Variants in HR observed in about 807,000 individuals in gnomAD.
The protein encoded by HR is lysine-specific demethylase hairless.
A neutral mutation model predicts 128.6 loss-of-function variants in HR; 83 were observed. The ratio of observed to expected loss-of-function variants is 0.65; its 90% CI spans 0.54 to 0.77. HR has a LOEUF of 0.77. HR is among the 30% of genes least tolerant of loss of function. The probability of loss-of-function intolerance (pLI) is 0.00; values close to 1 mark genes in which losing one functional copy is unlikely to be tolerated. For synonymous variants in HR, 681 were observed against 658.2 expected (o/e 1.03, Z -0.53); for missense variants, 1,490 against 1,574.6 (o/e 0.95, Z 0.91).
In HR at chr8:22,127,290, G is replaced by A; in HGVS notation, c.1152C>T (p.Leu384=). Residue 384 remains leucine (L), a synonymous_variant, in exon 3 of 19, where the codon CTC becomes CTT. Coordinates refer to ENST00000381418, the MANE Select transcript of HR (RefSeq NM_005144.5). The stretch of plus-strand genomic sequence containing the variant: ...ATTCAAACTGCTCCGAGTGCCGTGT[G>A]AGCCATGTCTTCTTCAGCTTGGTGT... ...SHHTKLKKTW[L]TRHSEQFECP... is the part of the protein sequence containing the mutation. The A allele has an allele frequency of 2.5e-6, 4 of 1,613,350 alleles. No individual in the cohort carries two copies. Among genetic ancestry groups the A allele is most frequent in the East Asian group, 2.2e-5 (1 of 44,868 alleles).
Position 22,119,773 on chromosome 8 carries a change from G to C in HR, c.2964C>G (p.Leu988=). 1 of 1,612,096 alleles carries C rather than the reference G, an allele frequency of 6.2e-7. No homozygotes were observed. The highest frequency in any genetic ancestry group is 8.5e-7 in the Non-Finnish European group (1 of 1,179,094). The change falls in exon 14 of 19, where the codon CTC becomes CTG. Residue 988 remains leucine (L), a synonymous_variant. Coordinates refer to ENST00000381418, the MANE Select transcript of HR (RefSeq NM_005144.5). ...GLALRPLEPQ[L]WAAYGVSPHR... The stretch of plus-strand genomic sequence containing the variant: ...AGGGACACTCACCATAGGCTGCCCA[G>C]AGCTGGGGCTCCAGTGGACGCAGGG...
chr8:22,125,690 T>C lies in HR; in HGVS notation c.1448A>G (p.Gln483Arg). 2 of 1,613,944 alleles carry C rather than the reference T, an allele frequency of 1.2e-6. No homozygotes were observed. The highest frequency in any genetic ancestry group is 1.7e-6 in the Non-Finnish European group (2 of 1,179,996). Residue 483 changes from glutamine to arginine, a missense_variant, in exon 4 of 19, where the codon CAG becomes CGG. Physicochemically the swap from Gln to Arg is conservative, Grantham distance 43. Coordinates refer to ENST00000381418, the MANE Select transcript of HR (RefSeq NM_005144.5). ...AGGGAGAGCCAGGCATGGTATGTCC[T>C]GAAGTCCCGGGTCCTGGAGACTGGC... ...GQASLQDPGL[Q>R]DIPCLALPAK...
Position 22,114,796 on chromosome 8 carries a change from G to C in HR, c.*904C>G, listed in dbSNP as rs140387885. 6.6e-6 allele frequency: 1 copy of C among 152,422 alleles called. No individual in the cohort carries two copies. Among genetic ancestry groups the C allele is most frequent in the African/African-American group, 2.4e-5 (1 of 41,466 alleles). The allele number at this position is 152,422 out of a possible 1,614,324, so 9.4% of individuals were successfully genotyped here. ...TAGGGCTCGGGAGTCTCTGCACAGG[G>C]AGGTCACCTCGTGGCTGTGCCCCAG... On this transcript the variant is annotated 3_prime_UTR_variant, in exon 19 of 19. Transcript: ENST00000381418.
In HR at chr8:22,120,426, C is replaced by G; in HGVS notation, c.2692G>C (p.Val898Leu). The change falls in exon 12 of 19, where the codon GTG becomes CTG. Residue 898 changes from valine (V) to leucine (L), a missense_variant. Val to Leu is a conservative substitution (Grantham distance 32). Coordinates refer to ENST00000381418, the MANE Select transcript of HR (RefSeq NM_005144.5). Reference sequence around the variant, plus strand: ...GGTCCGAGGGGGCTCAGCGCCTGCACCTGGCCTCCAAGTGCCCCAAGAGCT... The same window carrying G: ...GGTCCGAGGGGGCTCAGCGCCTGCAGCTGGCCTCCAAGTGCCCCAAGAGCT... Reference protein sequence around the residue: ...TEALGALGGQVQALSPLGPPQ... With the variant: ...TEALGALGGQLQALSPLGPPQ... The G allele has an allele frequency of 6.2e-7, 1 of 1,614,030 alleles. No individual in the cohort carries two copies. The highest frequency in any genetic ancestry group is 1.1e-5 in the South Asian group (1 of 91,092).
Position 22,123,700 on chromosome 8 carries a change from A to G in HR, c.1864T>C (p.Cys622Arg). Residue 622 changes from cysteine (C) to arginine (R), a missense_variant, in exon 6 of 19, where the codon TGT (cysteine) becomes CGT (arginine). Physicochemically the swap from Cys to Arg is radical, Grantham distance 180 (BLOSUM62 -3). This residue lies in a region of HR where 1,060 missense variants were observed against 1,060.9 expected (regional missense o/e 1.00). Transcript: ENST00000381418. The stretch of plus-strand genomic sequence containing the variant: ...CCTGCCACACGACCACAGGCCACAC[A>G]CAGCCGGTGGCTGCAGCGGGGACAT... ...WRCPRCSHRL[C>R]VACGRVAGTG... 2 of 1,419,312 alleles carry G rather than the reference A, an allele frequency of 1.4e-6. No individual in the cohort carries two copies. Among genetic ancestry groups the G allele is most frequent in the Non-Finnish European group, 1.9e-6 (2 of 1,069,898 alleles). The allele number at this position is 1,419,312 out of a possible 1,614,324, so 87.9% of individuals were successfully genotyped here.
chr8:22,121,912 G>T (rs1402275228), intron 8 of HR, among the ~76,000 whole-genome samples: 1 of 152,102 alleles, frequency 6.6e-6, no homozygotes, highest in Admixed American at 6.5e-5. Context: ...TAGACAAATG[G>T]CTGGAAATAA....
intron 6 of HR, 32 bp downstream of exon 6, chr8:22,123,617 T>TGGGGGGGGGGGGCCCCCC: frequency 3.4e-6 from 1 of 292,092 alleles, no homozygotes. Context: ...GAGGGCTCCA[T>TGGGGGGGGGGGGCCCCCC]CCCGCCCTCC....
chr8:22,127,323 G>C lies in HR; in HGVS notation c.1119C>G (p.Pro373=), dbSNP rs1586385043. 2.5e-6 allele frequency: 4 copies of C among 1,613,280 alleles called. No individual in the cohort carries two copies. The highest frequency in any genetic ancestry group is 2.7e-5 in the African/African-American group (2 of 74,940). Reference sequence around the variant, plus strand: ...TCTTCTTCAGCTTGGTGTGGTGGCTGGGGGGACAGGCCCTGGGGCCAGAGG... The same window carrying C: ...TCTTCTTCAGCTTGGTGTGGTGGCTCGGGGGACAGGCCCTGGGGCCAGAGG... ...NKASGPRACP[P]SHHTKLKKTW... The change falls in exon 3 of 19, where the codon CCC becomes CCG. Residue 373 remains proline (P), a synonymous_variant. Coordinates refer to ENST00000381418, the MANE Select transcript of HR (RefSeq NM_005144.5).
At chr8:22,122,293 G>A (rs570329146) in intron 8 of HR, among the ~76,000 whole-genome samples, 200 bp downstream of exon 8, 8 of 152,242 alleles carry the variant, frequency 5.3e-5, no homozygotes, top group African/African-American at 9.6e-5. Context: ...AAGGCAGGGG[G>A]TGAGGACCTC....
chr8:22,126,926 G>A, intron 3 of HR, 111 bp downstream of exon 3: 1 of 1,103,906 alleles, frequency 9.1e-7, no homozygotes, highest in Non-Finnish European at 1.3e-6. Flanking sequence ...GTGGGAGCCT[G>A]ACCACTGGTT....
chr8:22,121,595 G>T lies in HR; in HGVS notation c.2203+18C>A, dbSNP rs771183327. On this transcript the variant is annotated intron_variant, in intron 9 of 18. Coordinates refer to ENST00000381418, the MANE Select transcript of HR (RefSeq NM_005144.5). ...GCCTCCCTCTTGCACAGGCCGAGGG[G>T]CAAGAGGAGCCGCTCACCCTCTTTG... The T allele has an allele frequency of 2.5e-6, 4 of 1,612,996 alleles. No homozygotes were observed. The highest frequency in any genetic ancestry group is 3.3e-5 in the Admixed American group (2 of 60,026).
chr8:22,123,617 T>TGGGGGGGGGCGC, intron 6 of HR, 32 bp downstream of exon 6: 1 of 292,092 alleles, frequency 3.4e-6, no homozygotes, highest in Non-Finnish European at 6.2e-6. Flanking sequence ...GAGGGCTCCA[T>TGGGGGGGGGCGC]CCCGCCCTCC....
chr8:22,118,859 G>A (rs539252046), intron 16 of HR, 91 bp downstream of exon 16: 1 of 1,106,702 alleles, frequency 9.0e-7, no homozygotes, highest in Non-Finnish European at 1.4e-6. Flanking sequence ...GGGGCAGGGA[G>A]CGAGCACATG....
In HR at chr8:22,120,870, C is replaced by G; in HGVS notation, c.2456G>C (p.Arg819Pro). The G allele has an allele frequency of 6.4e-7, 1 of 1,552,380 alleles. No individual in the cohort carries two copies. The highest frequency in any genetic ancestry group is 1.2e-5 in the South Asian group (1 of 84,350). ...IQEKALGPGL[R>P]AGPGLRKGLG... is the part of the protein sequence containing the mutation. The stretch of plus-strand genomic sequence containing the variant: ...GCCCTTGCGCAGACCCGGGCCAGCT[C>G]GAAGCCCCGGCCCCAGGGCTTTCTC... The change falls in exon 11 of 19, where the codon CGA (arginine) becomes CCA (proline). Residue 819 changes from arginine (R) to proline (P), a missense_variant. By Grantham distance (103) the Arg-to-Pro change is moderately radical. Transcript: ENST00000381418.
chr8:22,115,533 G>T lies in HR; in HGVS notation c.*167C>A. 1 of 677,234 alleles carries T rather than the reference G, an allele frequency of 1.5e-6. No homozygotes were observed. Among genetic ancestry groups the T allele is most frequent in the South Asian group, 1.7e-5 (1 of 60,264 alleles). 42.0% of individuals were successfully genotyped at this position (677,234 alleles called of 1,614,324 possible). A position where few individuals can be genotyped will look rare whatever the true frequency, so the allele number is the denominator to read the frequency against. On this transcript the variant is annotated 3_prime_UTR_variant, in exon 19 of 19. Transcript: ENST00000381418. ...TGAGCTTGGTGGCACTGTGGTTGTT[G>T]GCTTAAGGGGGAGGGGAACAGAGTG...
At position 22,115,356 on chromosome 8, in the gene HR, G is replaced by C; in HGVS notation, c.*344C>G. 2.1e-6 allele frequency: 1 copy of C among 466,722 alleles called. No individual in the cohort carries two copies. Among genetic ancestry groups the C allele is most frequent in the East Asian group, 4.1e-5 (1 of 24,422 alleles). 28.9% of individuals were successfully genotyped at this position (466,722 alleles called of 1,614,324 possible). ...GCAGGAGGAGGTGTTGTTTAAGCCA[G>C]AATGATTCCCAAGTTTCCCCAAGGA... On this transcript the variant is annotated 3_prime_UTR_variant, in exon 19 of 19. Coordinates refer to ENST00000381418, the MANE Select transcript of HR (RefSeq NM_005144.5).
At chr8:22,123,615 C>CAG in intron 6 of HR, 34 bp downstream of exon 6, 4 of 631,038 alleles carry the variant, frequency 6.3e-6, no homozygotes, top group Non-Finnish European at 7.9e-6. Context: ...CTGAGGGCTC[C>CAG]ATCCCGCCCT....
Position 22,129,002 on chromosome 8 carries a change from G to T in HR, c.169C>A (p.Pro57Thr). The T allele has an allele frequency of 6.2e-7, 1 of 1,612,772 alleles. No individual in the cohort carries two copies. The highest frequency in any genetic ancestry group is 8.5e-7 in the Non-Finnish European group (1 of 1,179,672). ...AAGCCAGGGGGAAGCCAGGAGTCTG[G>T]GGTGCTCAGGACGCCCCTCCAAAAG... Reference protein sequence around the residue: ...APFWRGVLSTPDSWLPPGFPQ... With the variant: ...APFWRGVLSTTDSWLPPGFPQ... Residue 57 changes from proline to threonine, a missense_variant, in exon 2 of 19, where the codon CCA (proline) becomes ACA (threonine). Pro to Thr is a conservative substitution (Grantham distance 38). This residue lies in a region of HR where 1,060 missense variants were observed against 1,060.9 expected (regional missense o/e 1.00). Coordinates refer to ENST00000381418, the MANE Select transcript of HR (RefSeq NM_005144.5).
chr8:22,120,250 C>T (rs1470720583), intron 12 of HR, 77 bp from the exon 13 acceptor site: 44 of 1,607,366 alleles, frequency 2.7e-5, no homozygotes, highest in Non-Finnish European at 3.6e-5. Context: ...CACCTGCTTC[C>T]AGCCCCTCGG....
Sources: allele counts gnomAD v4.1 joint callset (sites outside exome capture counted in the v4.1 genomes callset), GRCh38; gene constraint gnomAD v4.1.1; regional missense constraint gnomAD v4.1.1; transcripts MANE v1.5; gene names NCBI Gene and HGNC (gene_info 2026-07-23, HGNC 2026-07-21).